GPC5: variants seen among roughly 807,000 people sequenced by gnomAD.
The protein encoded by GPC5 is glypican-5.
Under a neutral mutation model 53.9 loss-of-function variants are expected in GPC5, and 47 were observed. The observed-to-expected ratio is 0.87, with a 90% CI of 0.69 to 1.11. The LOEUF (loss-of-function observed/expected upper bound fraction) is 1.11, where lower values mean the gene tolerates loss of function less well. Among genes scored for constraint, GPC5 ranks in the 50% most tolerant of loss-of-function variants. The pLI is 0.00. For synonymous variants in GPC5, 286 were observed against 263.3 expected, an observed-to-expected ratio of 1.09 and a Z score of -0.84; for missense variants, 748 against 713.1, an observed-to-expected ratio of 1.05 and a Z score of -0.56.
chr13:92,280,762 G>T (rs2042908717), intron 7 of GPC5, among the ~76,000 whole-genome samples: 6 of 152,188 alleles, frequency 3.9e-5, no homozygotes, highest in African/African-American at 1.4e-4. Context: ...ACGGGGTGCG[G>T]GGGGCGGTTG....
At chr13:91,939,602 T>C (rs2039905849) in intron 6 of GPC5, among the ~76,000 whole-genome samples, 1 of 152,140 alleles carries the variant, frequency 6.6e-6, no homozygotes, top group African/African-American at 2.4e-5. Context: ...TAACATGGAT[T>C]TAAGTAGTTA....
chr13:92,185,848 T>G (rs1311980940), intron 7 of GPC5, among the ~76,000 whole-genome samples: 1 of 152,154 alleles, frequency 6.6e-6, no homozygotes, highest in Non-Finnish European at 1.5e-5. Flanking sequence ...AGGTTCTCAG[T>G]GAACTCTGGG....
intron 7 of GPC5, among the ~76,000 whole-genome samples, chr13:92,683,554 T>C (rs1887167950): frequency 6.6e-6 from 1 of 152,234 alleles, no homozygotes; most frequent in Admixed American, 6.5e-5. Flanking sequence ...TGAGGATTGA[T>C]GTGGGTTATT....
At position 91,744,369 on chromosome 13, in the gene GPC5, G is replaced by A. The variant is rs568606131; in HGVS notation, c.1155-11926G>A. Among the ~76,000 whole-genome samples the A allele has an allele frequency of 2.6e-5, 4 of 152,172 alleles. No individual in the cohort carries two copies. In the East Asian group the frequency reaches 5.8e-4, roughly 22 times the overall value. On this transcript the variant is annotated intron_variant, in intron 4 of 7. Transcript: ENST00000377067. ...CAAAATGAAAATTACCAGAGTAATA[G>A]GAATAAAATTGAAGACTAAAATAGC...
At chr13:92,605,739 G>A (rs921444566) in intron 7 of GPC5, among the ~76,000 whole-genome samples, 2 of 151,758 alleles carry the variant, frequency 1.3e-5, no homozygotes, top group Non-Finnish European at 2.9e-5. Context: ...ACAGGCGCCC[G>A]CCACCGCGCC....
At chr13:91,818,965 G>A (rs371445758) in intron 5 of GPC5, among the ~76,000 whole-genome samples, 28 of 151,468 alleles carry the variant, frequency 1.8e-4, no homozygotes, top group African/African-American at 6.0e-4. Context: ...CATATATGTG[G>A]CATTTAATGG....
At chr13:92,012,354 CTT>C (rs1055389646) in intron 6 of GPC5, among the ~76,000 whole-genome samples, 7 of 152,040 alleles carry the variant, frequency 4.6e-5, no homozygotes, top group Non-Finnish European at 1.0e-4. Context: ...AAAATAAACA[CTT>C]TTATAAAGGA....
rs1877125087 is a variant in GPC5 at position 92,807,087 on chromosome 13, G to T, written c.1562-59195G>T. On this transcript the variant is annotated intron_variant, in intron 7 of 7. Transcript: ENST00000377067. ...AATTATAATTCTTCATAAGGTTGGT[G>T]TAAGATTAAGAGGGAAATATACAGA... 1.3e-5 allele frequency among the ~76,000 whole-genome samples: 2 copies of T among 152,040 alleles called. 1 individual carries two copies. The highest frequency in any genetic ancestry group is 4.1e-4 in the South Asian group (2 of 4,828).
intron 7 of GPC5, among the ~76,000 whole-genome samples, chr13:92,440,287 G>A (rs2139384778): frequency 6.6e-6 from 1 of 152,156 alleles, no homozygotes; most frequent in South Asian, 2.1e-4. Flanking sequence ...CAGTGTCTAT[G>A]CTTCCCATCT....
intron 1 of GPC5, among the ~76,000 whole-genome samples, chr13:91,411,037 A>G (rs1370752052): frequency 6.6e-6 from 1 of 152,186 alleles, no homozygotes; most frequent in Non-Finnish European, 1.5e-5. Flanking sequence ...TGAACCTGGG[A>G]GGTGGAGGTT....
At position 91,721,402 on chromosome 13, in the gene GPC5, T is replaced by C. The variant is rs776609723; in HGVS notation, c.1021-7130T>C. ...TGCCTGCCTCAGCCTCCCAAAGTGT[T>C]GTGATTACAGGCGTGAGCCACCGTG... On this transcript the variant is annotated intron_variant, in intron 3 of 7. Transcript: ENST00000377067. Among the ~76,000 whole-genome samples, 17 of 151,798 alleles carry C rather than the reference T, an allele frequency of 1.1e-4. No homozygotes were observed. In the South Asian group the frequency reaches 1.5e-3, roughly 13 times the overall value.
At chr13:91,441,066 G>A (rs1880383435) in intron 1 of GPC5, among the ~76,000 whole-genome samples, 1 of 152,078 alleles carries the variant, frequency 6.6e-6, no homozygotes, top group South Asian at 2.1e-4. Flanking sequence ...ATATCCTCAG[G>A]CTAAAAGCCA....
At chr13:91,786,453 A>G (rs1432398240) in intron 5 of GPC5, among the ~76,000 whole-genome samples, 6 of 152,032 alleles carry the variant, frequency 3.9e-5, no homozygotes, top group Non-Finnish European at 8.8e-5. Context: ...TTTTTGACAG[A>G]GTGCCTATTT....
At chr13:92,202,268 A>T (rs1296985421) in intron 7 of GPC5, among the ~76,000 whole-genome samples, 1 of 152,176 alleles carries the variant, frequency 6.6e-6, no homozygotes, top group Non-Finnish European at 1.5e-5. Context: ...TCACATACCT[A>T]ATGTTTCCAG....
chr13:91,836,780 C>T (rs1250214109), intron 5 of GPC5, among the ~76,000 whole-genome samples: 11 of 151,468 alleles, frequency 7.3e-5, no homozygotes, highest in Non-Finnish European at 1.6e-4. Context: ...TAGTCTGACT[C>T]AAAATATTTT....
chr13:92,051,872 G>A (rs1415997638), intron 6 of GPC5, among the ~76,000 whole-genome samples: 3 of 152,172 alleles, frequency 2.0e-5, no homozygotes, highest in African/African-American at 7.2e-5. Flanking sequence ...GAACATTGAT[G>A]GCAGGACTCT....
chr13:91,808,715 A>G (rs2038262443), intron 5 of GPC5, among the ~76,000 whole-genome samples: 1 of 152,152 alleles, frequency 6.6e-6, no homozygotes, highest in Non-Finnish European at 1.5e-5. Context: ...TAAATTCTCC[A>G]AAGTGATACC....
At chr13:92,844,485 T>A (rs1157831885) in intron 7 of GPC5, among the ~76,000 whole-genome samples, 1 of 152,020 alleles carries the variant, frequency 6.6e-6, no homozygotes, top group Admixed American at 6.6e-5. Context: ...AAAAATAAAA[T>A]AGATTTCCTT....
chr13:92,296,791 G>A (rs2043038504), intron 7 of GPC5, among the ~76,000 whole-genome samples: 1 of 152,196 alleles, frequency 6.6e-6, no homozygotes. Context: ...CCCGGGCAAT[G>A]AGGGACTTAG....
Sources: gnomAD v4.1 joint callset for allele counts (sites outside exome capture counted in the v4.1 genomes callset) on GRCh38, gnomAD v4.1.1 for gene constraint, MANE v1.5 for transcripts, NCBI Gene and HGNC (gene_info 2026-07-23, HGNC 2026-07-21) for gene names.